COMMD3: variants seen among roughly 807,000 people sequenced by gnomAD.
The protein encoded by COMMD3 is COMM domain-containing protein 3.
Under a neutral mutation model 31.2 loss-of-function variants are expected in COMMD3, and 31 were observed. The observed-to-expected ratio is 0.99, with a 90% confidence interval of 0.75 to 1.34. The LOEUF is 1.34. Among genes scored for constraint, COMMD3 ranks in the 40% most tolerant of loss-of-function variants. COMMD3 has a pLI of 0.00. For missense variants in COMMD3, 274 were observed against 236.9 expected, an observed-to-expected ratio of 1.16 and a Z score of -1.03; for synonymous variants, 108 against 87.3, an observed-to-expected ratio of 1.24 and a Z score of -1.32.
In COMMD3 at chr10:22,320,008, G is replaced by A. The variant is rs10146; in HGVS notation, c.*10G>A. ...AGCAACTCAGTTGTAACTTGGGGAAGTTAACGATCCGCCCGAGTGCAGAGG... is the reference window on the plus strand; with the variant it reads ...AGCAACTCAGTTGTAACTTGGGGAAATTAACGATCCGCCCGAGTGCAGAGG... On this transcript the variant is annotated 3_prime_UTR_variant, in exon 8 of 8. Coordinates refer to ENST00000376836, the MANE Select transcript of COMMD3 (RefSeq NM_012071.4). The A allele has an allele frequency of 6.2e-7, 1 of 1,614,142 alleles. No homozygotes were observed. The highest frequency in any genetic ancestry group is 2.2e-5 in the East Asian group (1 of 44,884).
In COMMD3 at chr10:22,318,299, C is replaced by T; in HGVS notation, c.343C>T (p.Leu115=). 1 of 1,603,158 alleles carries T rather than the reference C, an allele frequency of 6.2e-7. No homozygotes were observed. Among genetic ancestry groups the T allele is most frequent in the Admixed American group, 1.7e-5 (1 of 57,432 alleles). Reference sequence around the variant, plus strand: ...TAATAAGAATTCCCTAGAAATCCTACTGGGAAGGTAGGTACTGTATAAGGT... The same window carrying T: ...TAATAAGAATTCCCTAGAAATCCTATTGGGAAGGTAGGTACTGTATAAGGT... ...QNNKNSLEIL[L]GSIGRSLPHI... Residue 115 remains leucine (L), a synonymous_variant, in exon 4 of 8, where the codon CTG becomes TTG. Transcript: ENST00000376836.
Position 22,318,268 on chromosome 10 carries a change from C to T in COMMD3, c.316-4C>T. The T allele has an allele frequency of 6.2e-7, 1 of 1,601,898 alleles. No individual in the cohort carries two copies. The highest frequency in any genetic ancestry group is 8.5e-7 in the Non-Finnish European group (1 of 1,177,046). ...TTCTTTCTTGCTTTCTTTTTTCTCT[C>T]CAGAATAATAAGAATTCCCTAGAAA... On this transcript the variant is annotated splice_polypyrimidine_tract_variant and splice_region_variant and intron_variant, in intron 3 of 7. Coordinates refer to ENST00000376836, the MANE Select transcript of COMMD3 (RefSeq NM_012071.4).
At position 22,318,733 on chromosome 10, in the gene COMMD3, T is replaced by G. The variant is rs752584023; in HGVS notation, c.411+20T>G. 6.8e-6 allele frequency: 11 copies of G among 1,613,076 alleles called. No homozygotes were observed. Among genetic ancestry groups the G allele is most frequent in the Non-Finnish European group, 9.3e-6 (11 of 1,179,142 alleles). On this transcript the variant is annotated intron_variant, in intron 5 of 7. Coordinates refer to ENST00000376836, the MANE Select transcript of COMMD3 (RefSeq NM_012071.4). The stretch of plus-strand genomic sequence containing the variant: ...ATAAAGGTAAAGTTTAAGAAACTTC[T>G]CTAGCGGGGGATTTAGGGAACTTCT...
Position 22,317,937 on chromosome 10 carries a change from G to A in COMMD3, c.193G>A (p.Ala65Thr). The change falls in exon 2 of 8, where the codon GCA becomes ACA. Residue 65 changes from alanine (A) to threonine (T), a missense_variant. Ala to Thr is a moderately conservative substitution (Grantham distance 58). Coordinates refer to ENST00000376836, the MANE Select transcript of COMMD3 (RefSeq NM_012071.4). ...AGTGGTTTTAAAACATTGTCATGCA[G>A]CAGCTGCAACTTACATACTAGAGGC... Reference protein sequence around the residue: ...DPVVLKHCHAAAATYILEAGK... With the variant: ...DPVVLKHCHATAATYILEAGK... 6.2e-7 allele frequency: 1 copy of A among 1,613,988 alleles called. No individual in the cohort carries two copies. Among genetic ancestry groups the A allele is most frequent in the Non-Finnish European group, 8.5e-7 (1 of 1,179,938 alleles).
Position 22,316,464 on chromosome 10 carries a change from A to T in COMMD3, c.47A>T (p.Asp16Val), listed in dbSNP as rs1304500743. The change falls in exon 1 of 8, where the codon GAT (aspartate) becomes GTT (valine). Residue 16 changes from aspartate to valine, a missense_variant. Transcript: ENST00000376836. ...SVQKGFQMLA[D>V]PRSFDSNAFT... ...CAGAAAGGCTTCCAGATGCTGGCGG[A>T]TCCCCGCTCCTTCGACTCCAACGCC... The T allele has an allele frequency of 6.4e-7, 1 of 1,550,574 alleles. No homozygotes were observed. The highest frequency in any genetic ancestry group is 2.0e-5 in the Admixed American group (1 of 51,036).
chr10:22,316,838 T>A (rs1308567722), intron 1 of COMMD3: 2 of 298,396 alleles, frequency 6.7e-6, no homozygotes, highest in African/African-American at 4.4e-5. Flanking sequence ...GGTGTTCAAG[T>A]CTTGTTTGTG....
intron 4 of COMMD3, 75 bp from the exon 5 acceptor site, chr10:22,318,578 C>A: frequency 7.5e-7 from 1 of 1,338,936 alleles, no homozygotes; most frequent in South Asian, 1.2e-5. Context: ...AAAGTAGAGC[C>A]ATTCTTAGTA....
Position 22,320,192 on chromosome 10 carries a change from A to G in COMMD3, c.*194A>G. ...TAAGAGGGAAAGATACTGCCCAAGT[A>G]TTTGAATCGTTTAGTAGTAACTGTC... is the stretch of plus-strand genomic sequence containing the variant. On this transcript the variant is annotated 3_prime_UTR_variant, in exon 8 of 8. Transcript: ENST00000376836. 1 of 1,433,636 alleles carries G rather than the reference A, an allele frequency of 7.0e-7. No individual in the cohort carries two copies. Among genetic ancestry groups the G allele is most frequent in the Non-Finnish European group, 9.3e-7 (1 of 1,077,800 alleles). 88.8% of individuals were successfully genotyped at this position (1,433,636 alleles called of 1,614,324 possible).
chr10:22,320,167 T>C lies in COMMD3; in HGVS notation c.*169T>C. On this transcript the variant is annotated 3_prime_UTR_variant, in exon 8 of 8. Transcript: ENST00000376836. ...ACACTTTAAAAACGTGTGAAAGGGT[T>C]AAGAGGGAAAGATACTGCCCAAGTA... is the stretch of plus-strand genomic sequence containing the variant. 1 of 1,510,280 alleles carries C rather than the reference T, an allele frequency of 6.6e-7. No individual in the cohort carries two copies. The highest frequency in any genetic ancestry group is 1.3e-5 in the South Asian group (1 of 79,408). 93.6% of individuals were successfully genotyped at this position (1,510,280 alleles called of 1,614,324 possible). A position where few individuals can be genotyped will look rare whatever the true frequency, so the allele number is the denominator to read the frequency against.
intron 1 of COMMD3, among the ~76,000 whole-genome samples, chr10:22,317,268 ATT>A (rs1384920110): frequency 6.6e-6 from 1 of 152,042 alleles, no homozygotes; most frequent in African/African-American, 2.4e-5. Context: ...AACAATTCAA[ATT>A]TTTGTTTTTT....
chr10:22,319,098 G>A, intron 7 of COMMD3, 80 bp downstream of exon 7: 1 of 1,438,740 alleles, frequency 7.0e-7, no homozygotes, highest in African/African-American at 1.4e-5. Flanking sequence ...AAGTTCAAAA[G>A]AAAATTAATC....
In COMMD3 at chr10:22,318,084, CTTT is replaced by C. The variant is rs528306454; in HGVS notation, c.252-14_252-12del. The stretch of plus-strand genomic sequence containing the variant: ...TTTAAAAATGGAGACAGAACTTTGG[CTTT>C]TTTTTTCTTTCTTCTAGCACTTATC... On this transcript the variant is annotated intron_variant, in intron 2 of 7. Coordinates refer to ENST00000376836, the MANE Select transcript of COMMD3 (RefSeq NM_012071.4). 6.3e-7 allele frequency: 1 copy of C among 1,599,540 alleles called. No homozygotes were observed. Among genetic ancestry groups the C allele is most frequent in the Non-Finnish European group, 8.5e-7 (1 of 1,173,728 alleles).
At chr10:22,318,491 C>T in intron 4 of COMMD3, 162 bp from the exon 5 acceptor site, 1 of 1,073,246 alleles carries the variant, frequency 9.3e-7, no homozygotes, top group South Asian at 1.6e-5. Flanking sequence ...TGAAATGCTC[C>T]TTTACCATTC....
chr10:22,317,586 T>C (rs757519252), intron 1 of COMMD3: 2 of 218,448 alleles, frequency 9.2e-6, no homozygotes, highest in Non-Finnish European at 1.8e-5. Context: ...ACTCCAGTGT[T>C]AGAATGACCA....
chr10:22,317,822 T>C, intron 1 of COMMD3, 62 bp from the exon 2 acceptor site: 3 of 1,568,556 alleles, frequency 1.9e-6, no homozygotes, highest in Non-Finnish European at 2.6e-6. Context: ...AAATATCCTT[T>C]TTGGAACATG....
At chr10:22,319,865 G>A in intron 7 of COMMD3, 74 bp from the exon 8 acceptor site, 1 of 1,553,340 alleles carries the variant, frequency 6.4e-7, no homozygotes, top group Non-Finnish European at 8.8e-7. Context: ...TTTTTTTCTT[G>A]CATCTTTCTT....
chr10:22,317,948 T>C lies in COMMD3; in HGVS notation c.204T>C (p.Thr68=), dbSNP rs746955114. 6 of 1,613,926 alleles carry C rather than the reference T, an allele frequency of 3.7e-6. No homozygotes were observed. The highest frequency in any genetic ancestry group is 4.2e-6 in the Non-Finnish European group (5 of 1,179,948). ...VLKHCHAAAA[T]YILEAGKHRA... is the part of the protein sequence containing the mutation. ...AACATTGTCATGCAGCAGCTGCAAC[T>C]TACATACTAGAGGCAGGAAAGCACC... Residue 68 remains threonine, a synonymous_variant, in exon 2 of 8, where the codon ACT becomes ACC. Coordinates refer to ENST00000376836, the MANE Select transcript of COMMD3 (RefSeq NM_012071.4).
chr10:22,317,566 C>T, intron 1 of COMMD3: 3 of 188,198 alleles, frequency 1.6e-5, no homozygotes, highest in East Asian at 1.3e-4. Flanking sequence ...CTTGTTTTTC[C>T]TTTGAATTTA....
chr10:22,318,886 A>G (rs755656055), intron 6 of COMMD3, 24 bp downstream of exon 6: 6 of 1,612,360 alleles, frequency 3.7e-6, no homozygotes, highest in Non-Finnish European at 5.1e-6. Context: ...AGTCTTATCC[A>G]ATAATGAAAT....
Sources: allele counts gnomAD v4.1 joint callset (sites outside exome capture counted in the v4.1 genomes callset), GRCh38; gene constraint gnomAD v4.1.1; transcripts MANE v1.5; gene names NCBI Gene and HGNC (gene_info 2026-07-23, HGNC 2026-07-21).